Variants in SPAG16 observed in about 807,000 individuals in gnomAD.
The protein encoded by SPAG16 is sperm associated antigen 16.
SPAG16 carries 86 observed loss-of-function variants against 80.4 expected under a neutral mutation model. The observed-to-expected ratio is 1.07, with a 90% confidence interval of 0.90 to 1.28. SPAG16 has a LOEUF of 1.28. SPAG16 is among the 50% of genes most tolerant of loss of function. The pLI, the probability that SPAG16 is intolerant of heterozygous loss-of-function variation, is 0.00. For synonymous variants in SPAG16, 294 were observed against 265.9 expected, an observed-to-expected ratio of 1.11 and a Z score of -1.03; for missense variants, 870 against 765.3, an observed-to-expected ratio of 1.14 and a Z score of -1.61.
intron 10 of SPAG16, among the ~76,000 whole-genome samples, chr2:213,611,110 A>T (rs955073572): frequency 2.0e-5 from 3 of 152,104 alleles, no homozygotes; most frequent in African/African-American, 7.2e-5. Flanking sequence ...ATGATGATAG[A>T]TACATTTCTG....
At chr2:213,544,228 G>A (rs1466025751) in intron 10 of SPAG16, among the ~76,000 whole-genome samples, 1 of 151,852 alleles carries the variant, frequency 6.6e-6, no homozygotes, top group African/African-American at 2.4e-5. Context: ...TTAATTTTAA[G>A]TAACATATAT....
chr2:213,300,844 C>T (rs937118218), intron 3 of SPAG16, among the ~76,000 whole-genome samples: 11 of 151,712 alleles, frequency 7.3e-5, no homozygotes, highest in South Asian at 2.1e-4. Flanking sequence ...TAAAGTGTTG[C>T]GAGAACATAA....
At chr2:213,531,156 C>A (rs1474885453) in intron 10 of SPAG16, among the ~76,000 whole-genome samples, 1 of 151,948 alleles carries the variant, frequency 6.6e-6, no homozygotes, top group Non-Finnish European at 1.5e-5. Context: ...GTCCTCTTTA[C>A]CTATATATGA....
At chr2:213,561,886 T>G (rs2059607598) in intron 10 of SPAG16, among the ~76,000 whole-genome samples, 2 of 152,198 alleles carry the variant, frequency 1.3e-5, no homozygotes, top group African/African-American at 4.8e-5. Context: ...CACCTATTAT[T>G]CTGAAATTTC....
At chr2:213,799,807 G>A (rs1016019577) in intron 10 of SPAG16, among the ~76,000 whole-genome samples, 2 of 151,858 alleles carry the variant, frequency 1.3e-5, no homozygotes, top group Non-Finnish European at 2.9e-5. Context: ...ATAAATATAT[G>A]GGTTCCGGGG....
chr2:214,383,793 C>A (rs1428548835), intron 15 of SPAG16, among the ~76,000 whole-genome samples: 1 of 152,036 alleles, frequency 6.6e-6, no homozygotes, highest in Non-Finnish European at 1.5e-5. Context: ...CATCAAAAGA[C>A]AAGTGATGAC....
chr2:213,449,908 A>C (rs2071584776), intron 9 of SPAG16, among the ~76,000 whole-genome samples: 2 of 152,240 alleles, frequency 1.3e-5, no homozygotes, highest in African/African-American at 4.8e-5. Context: ...AATAATTTAT[A>C]ATGAATGTCT....
intron 13 of SPAG16, among the ~76,000 whole-genome samples, chr2:214,038,495 G>A (rs981207098): frequency 6.6e-6 from 1 of 151,594 alleles, no homozygotes; most frequent in African/African-American, 2.4e-5. Context: ...TATACTAAAA[G>A]CTTACCATTT....
chr2:213,770,021 C>A (rs2069154581), intron 10 of SPAG16, among the ~76,000 whole-genome samples: 1 of 152,136 alleles, frequency 6.6e-6, no homozygotes, highest in Admixed American at 6.6e-5. Flanking sequence ...TTGTCCCTGG[C>A]TTCTTTAACT....
intron 11 of SPAG16, among the ~76,000 whole-genome samples, chr2:213,896,194 A>G (rs1294263803): frequency 6.6e-6 from 1 of 152,102 alleles, no homozygotes; most frequent in East Asian, 1.9e-4. Flanking sequence ...TATATGAAAA[A>G]AATACTCATC....
At chr2:214,007,659 A>G (rs567711454) in intron 12 of SPAG16, among the ~76,000 whole-genome samples, 6 of 151,608 alleles carry the variant, frequency 4.0e-5, no homozygotes, top group Non-Finnish European at 5.9e-5. Flanking sequence ...GCCCTCAAAA[A>G]AGTGATCTGC....
At chr2:214,402,826 A>G (rs1701788624) in intron 15 of SPAG16, among the ~76,000 whole-genome samples, 1 of 152,082 alleles carries the variant, frequency 6.6e-6, no homozygotes, top group African/African-American at 2.4e-5. Context: ...CTTGGAATCA[A>G]TAGATGCCAC....
chr2:213,317,268 G>A lies in SPAG16; in HGVS notation c.448G>A (p.Val150Ile). Residue 150 changes from valine (V) to isoleucine (I), a missense_variant, in exon 5 of 16, where the codon GTT (valine) becomes ATT (isoleucine). Val to Ile is a conservative substitution (Grantham distance 29). Transcript: ENST00000331683. ...GVTELRTVGN[V>I]PDVYTQIMLL... ...GACTGAACTTAGAACTGTTGGGAAT[G>A]TTCCAGATGTCTACACCCAGATTAT... The A allele has an allele frequency of 6.2e-7, 1 of 1,610,214 alleles. No individual in the cohort carries two copies. The highest frequency in any genetic ancestry group is 1.3e-5 in the African/African-American group (1 of 74,870).
intron 15 of SPAG16, among the ~76,000 whole-genome samples, chr2:214,260,858 G>C (rs1691098961): frequency 6.6e-6 from 1 of 151,932 alleles, no homozygotes. Context: ...TGTAATCCCA[G>C]CACTTTGGGA....
At chr2:214,229,518 A>G (rs906389995) in intron 15 of SPAG16, among the ~76,000 whole-genome samples, 1 of 151,530 alleles carries the variant, frequency 6.6e-6, no homozygotes, top group Admixed American at 6.6e-5. Flanking sequence ...GTGTATATAT[A>G]TGTGTGTGTG....
intron 12 of SPAG16, among the ~76,000 whole-genome samples, chr2:213,946,948 T>G (rs2079505421): frequency 6.6e-6 from 1 of 152,224 alleles, no homozygotes. Flanking sequence ...AATCATATAG[T>G]ATGTGACCAT....
chr2:213,484,434 G>T (rs2073888809), intron 9 of SPAG16, among the ~76,000 whole-genome samples: 1 of 152,144 alleles, frequency 6.6e-6, no homozygotes, highest in South Asian at 2.1e-4. Flanking sequence ...GATAATGTCA[G>T]CTGTCAGTCA....
At chr2:213,737,475 A>ACTTTTTC (rs1231071254) in intron 10 of SPAG16, among the ~76,000 whole-genome samples, 1 of 143,162 alleles carries the variant, frequency 7.0e-6, no homozygotes, top group Non-Finnish European at 1.5e-5. Context: ...TTTTCTCCTT[A>ACTTTTTC]CTTTTTCTTT....
chr2:213,632,205 T>G (rs958879851), intron 10 of SPAG16, among the ~76,000 whole-genome samples: 14 of 152,110 alleles, frequency 9.2e-5, no homozygotes, highest in Non-Finnish European at 1.6e-4. Flanking sequence ...ACTTCTTTGG[T>G]TATCCTAGGT....
Sources: allele counts gnomAD v4.1 joint callset (sites outside exome capture counted in the v4.1 genomes callset), GRCh38; gene constraint gnomAD v4.1.1; transcripts MANE v1.5; gene names NCBI Gene and HGNC (gene_info 2026-07-23, HGNC 2026-07-21).